Variants in MTA1 observed in about 807,000 individuals in gnomAD.
MTA1 encodes metastasis-associated protein MTA1.
In MTA1, 15 loss-of-function variants were observed where a neutral mutation model predicts 97.0. The observed-to-expected ratio is 0.15, with a 90% confidence interval of 0.10 to 0.24. MTA1 has a LOEUF of 0.24. MTA1 is among the 10% of genes least tolerant of loss of function. The pLI is 1.00. For synonymous variants in MTA1, 435 were observed against 417.5 expected (o/e 1.04, Z -0.51); for missense variants, 709 against 1,015.1 (o/e 0.70, Z 4.10).
At position 105,466,426 on chromosome 14, in the gene MTA1, A is replaced by AGGGGGGGC; in HGVS notation, c.1626_1627insGGGGGGCG (p.Thr543GlyfsTer14). On this transcript the variant is annotated frameshift_variant and splice_region_variant, in exon 17 of 21. Transcript: ENST00000331320. LOFTEE classifies it high-confidence loss of function. ...GTTCTGCCTGTGTCATTCCCGGCAGAGACCCACCCCCGCCCCCCCAAGCCT... is the reference window on the plus strand; with the variant it reads ...GTTCTGCCTGTGTCATTCCCGGCAGAGGGGGGGCGACCCACCCCCGCCCCCCCAAGCCT... 2 of 1,484,218 alleles carry AGGGGGGGC rather than the reference A, an allele frequency of 1.3e-6. No homozygotes were observed. Among genetic ancestry groups the AGGGGGGGC allele is most frequent in the Non-Finnish European group, 9.3e-7 (1 of 1,071,316 alleles). 91.9% of individuals were successfully genotyped at this position (1,484,218 alleles called of 1,614,324 possible).
chr14:105,466,053 C>A, intron 16 of MTA1: 1 of 240,812 alleles, frequency 4.2e-6, no homozygotes, highest in Non-Finnish European at 8.1e-6. Flanking sequence ...GACGAGCAGC[C>A]AGCCCTCCAC....
At chr14:105,449,983 TG>T (rs2082860390) in intron 4 of MTA1, 74 bp from the exon 5 acceptor site, 9 of 1,596,592 alleles carry the variant, frequency 5.6e-6, no homozygotes, top group Non-Finnish European at 7.7e-6. Context: ...TGGCGCCAGG[TG>T]GGGCTGGTGG....
chr14:105,450,993 G>A (rs934024964), intron 6 of MTA1, among the ~76,000 whole-genome samples: 8 of 152,158 alleles, frequency 5.3e-5, no homozygotes, highest in Non-Finnish European at 8.8e-5. Flanking sequence ...TCACAGTTGC[G>A]GGGCACACCT....
rs150715917 is a variant in MTA1, at chr14:105,464,146, C to T, written c.1191C>T (p.Tyr397=). 365 of 1,608,910 alleles carry T rather than the reference C, an allele frequency of 2.3e-4. No homozygotes were observed. In the African/African-American group the frequency reaches 4.3e-3, roughly 19 times the overall value. Residue 397 remains tyrosine (Y), a splice_region_variant and synonymous_variant, in exon 13 of 21, where the codon TAC becomes TAT. Coordinates refer to ENST00000331320, the MANE Select transcript of MTA1 (RefSeq NM_004689.4). ...CTGGCCGGGCCTGCGAGAGCTGTTA[C>T]AGTAAGTGCCCTGGATGGCCGGGGG... is the stretch of plus-strand genomic sequence containing the variant. ...PGAGRACESC[Y]TTQSYQWYSW...
At chr14:105,427,852 C>A (rs1555422566) in intron 1 of MTA1, among the ~76,000 whole-genome samples, 2 of 151,872 alleles carry the variant, frequency 1.3e-5, no homozygotes, top group Admixed American at 6.6e-5. Flanking sequence ...AACCCCATCT[C>A]TACTAAAAAT....
At chr14:105,445,025 G>T (rs1387501442) in intron 2 of MTA1, among the ~76,000 whole-genome samples, 1 of 152,296 alleles carries the variant, frequency 6.6e-6, no homozygotes, top group South Asian at 2.1e-4. Flanking sequence ...CGCTAGGGCC[G>T]TGGCTGCTGT....
intron 1 of MTA1, among the ~76,000 whole-genome samples, chr14:105,428,056 G>A (rs2082064991): frequency 1.4e-5 from 2 of 148,090 alleles, no homozygotes; most frequent in African/African-American, 5.0e-5. Context: ...TGAGATACAC[G>A]TTTCACATGG....
At chr14:105,441,447 T>C (rs10146447) in intron 2 of MTA1, among the ~76,000 whole-genome samples, 3,586 of 151,918 alleles carry the variant, frequency 0.024, 154 homozygotes, top group African/African-American at 0.083. Flanking sequence ...CCGCAAGGCG[T>C]ATGGGGCGGG....
rs1281173835 is a variant in MTA1, at chr14:105,422,859, C to CTT, written c.28+2797_28+2798dup. Among the ~76,000 whole-genome samples the CTT allele has an allele frequency of 6.6e-6, 1 of 152,196 alleles. No homozygotes were observed. The highest frequency in any genetic ancestry group is 2.4e-5 in the African/African-American group (1 of 41,462). On this transcript the variant is annotated intron_variant, in intron 1 of 20. Transcript: ENST00000331320. The surrounding 1 kb of genome is among the most constrained non-coding windows in gnomAD (Gnocchi z 4.3). The stretch of plus-strand genomic sequence containing the variant: ...GAGTGCCCTGGCCACGGACAGAGGC[C>CTT]TTCTGTCTGTGCCTGTGAGGGCAGC...
rs986773753 is a variant in MTA1, at chr14:105,463,264, C to T, written c.1017+6C>T. ...CCGACAGATACGTGCAGCAGGTGAGCCCGCCCGCCACTCAGTGCCCGGGGT... is the reference window on the plus strand; with the variant it reads ...CCGACAGATACGTGCAGCAGGTGAGTCCGCCCGCCACTCAGTGCCCGGGGT... On this transcript the variant is annotated splice_donor_region_variant and intron_variant, in intron 11 of 20. Transcript: ENST00000331320. This position sits in a 1 kb window ranked among gnomAD's most constrained non-coding sequence, Gnocchi z 5.9. The T allele has an allele frequency of 1.2e-6, 2 of 1,607,976 alleles. No homozygotes were observed. Among genetic ancestry groups the T allele is most frequent in the African/African-American group, 2.7e-5 (2 of 74,796 alleles).
chr14:105,443,318 G>A (rs782604094), intron 2 of MTA1, among the ~76,000 whole-genome samples: 18 of 152,158 alleles, frequency 1.2e-4, no homozygotes, highest in East Asian at 1.9e-4. Context: ...GAGAACGCCC[G>A]GCTCCCGGCA....
At position 105,420,634 on chromosome 14, in the gene MTA1, T is replaced by C. The variant is rs1302933793; in HGVS notation, c.28+571T>C. On this transcript the variant is annotated intron_variant, in intron 1 of 20. Coordinates refer to ENST00000331320, the MANE Select transcript of MTA1 (RefSeq NM_004689.4). This position sits in a 1 kb window ranked among gnomAD's most constrained non-coding sequence, Gnocchi z 5.3. Reference sequence around the variant, plus strand: ...GGAGCGAGCATCCCGAGCACGCCTCTAAGTCCCCCCAAACTTTTCCCTGCC... The same window carrying C: ...GGAGCGAGCATCCCGAGCACGCCTCCAAGTCCCCCCAAACTTTTCCCTGCC... Among the ~76,000 whole-genome samples, 3 of 152,182 alleles carry C rather than the reference T, an allele frequency of 2.0e-5. No homozygotes were observed. The highest frequency in any genetic ancestry group is 4.8e-5 in the African/African-American group (2 of 41,460).
In MTA1 at chr14:105,420,164, C is replaced by T; in HGVS notation, c.28+101C>T. On this transcript the variant is annotated intron_variant, in intron 1 of 20. Coordinates refer to ENST00000331320, the MANE Select transcript of MTA1 (RefSeq NM_004689.4). This position sits in a 1 kb window ranked among gnomAD's most constrained non-coding sequence, Gnocchi z 5.3. ...CCCCTCTGCCCCGCAGGCCCCGCGC[C>T]CCCCGCCCGCCCTCGCGGCCCCCGG... The T allele has an allele frequency of 1.8e-6, 1 of 568,258 alleles. No individual in the cohort carries two copies. Among genetic ancestry groups the T allele is most frequent in the Non-Finnish European group, 2.2e-6 (1 of 446,504 alleles). The allele number at this position is 568,258 out of a possible 1,614,324, so 35.2% of individuals were successfully genotyped here.
intron 8 of MTA1, among the ~76,000 whole-genome samples, chr14:105,458,936 C>T (rs1306625017): frequency 6.6e-6 from 1 of 152,202 alleles, no homozygotes; most frequent in Admixed American, 6.5e-5. Context: ...GTCCTCGCCA[C>T]CTGCGGGCTG....
At position 105,466,542 on chromosome 14, in the gene MTA1, G is replaced by A; in HGVS notation, c.1741G>A (p.Gly581Ser). 6.3e-7 allele frequency: 1 copy of A among 1,585,674 alleles called. No individual in the cohort carries two copies. Among genetic ancestry groups the A allele is most frequent in the Non-Finnish European group, 8.6e-7 (1 of 1,166,994 alleles). ...CAACAACGGCTCCCCCACCATCCTG[G>A]GCAAGCGCAGCTACGAGCAGCACAA... ...VINNGSPTIL[G>S]KRSYEQHNGV... Residue 581 changes from glycine (G) to serine (S), a missense_variant, in exon 17 of 21, where the codon GGC becomes AGC. Transcript: ENST00000331320.
chr14:105,460,693 G>A (rs1399025744), intron 9 of MTA1, 72 bp from the exon 10 acceptor site: 7 of 1,443,440 alleles, frequency 4.8e-6, no homozygotes, highest in Non-Finnish European at 6.4e-6. Context: ...AGGTACTGAG[G>A]GAGGGGGTAC....
At chr14:105,423,241 A>G (rs139146319) in intron 1 of MTA1, among the ~76,000 whole-genome samples, 275 of 111,140 alleles carry the variant, frequency 2.5e-3, no homozygotes, top group African/African-American at 1.0e-2. Context: ...TTTTTTTGAG[A>G]TGGAGTCTTG....
intron 7 of MTA1, among the ~76,000 whole-genome samples, chr14:105,456,544 G>A (rs1016301264): frequency 6.6e-6 from 1 of 152,232 alleles, no homozygotes; most frequent in African/African-American, 2.4e-5. Context: ...CCACCAGCTG[G>A]TGTGGGGCCG....
chr14:105,463,808 C>A lies in MTA1; in HGVS notation c.1077-224C>A. 1.6e-6 allele frequency: 1 copy of A among 632,442 alleles called. No individual in the cohort carries two copies. The allele number at this position is 632,442 out of a possible 1,614,324, so 39.2% of individuals were successfully genotyped here. On this transcript the variant is annotated intron_variant, in intron 12 of 20. Coordinates refer to ENST00000331320, the MANE Select transcript of MTA1 (RefSeq NM_004689.4). The surrounding 1 kb of genome is among the most constrained non-coding windows in gnomAD (Gnocchi z 5.9). ...ACACCGCCAGGGTTCAGTCCCTGAG[C>A]TGGGCTCCATGCTAGGGGGAGCACG...
Sources: gnomAD v4.1 joint callset for allele counts (sites outside exome capture counted in the v4.1 genomes callset) on GRCh38, gnomAD v4.1.1 for gene constraint, Gnocchi (gnomAD v3.1) non-coding constraint, MANE v1.5 for transcripts, NCBI Gene and HGNC (gene_info 2026-07-23, HGNC 2026-07-21) for gene names.